The following MTR variants were observed in gnomAD, a reference collection of about 807,000 sequenced individuals.
MTR encodes methionine synthase.
In MTR, 84 loss-of-function variants were observed where a neutral mutation model predicts 154.8. The observed-to-expected ratio is 0.54, with a 90% CI of 0.45 to 0.65. The LOEUF is 0.65. Ranked by LOEUF, MTR falls within the 30% of genes least tolerant of loss-of-function variation. The probability of loss-of-function intolerance (pLI) is 0.00; values close to 1 mark genes in which losing one functional copy is unlikely to be tolerated. For synonymous variants in MTR, 554 were observed against 553.9 expected (o/e 1.00, Z 0.00); for missense variants, 1,275 against 1,570.2 (o/e 0.81, Z 3.18).
intron 22 of MTR, among the ~76,000 whole-genome samples, chr1:236,872,777 G>T (rs892481914): frequency 6.6e-6 from 1 of 152,186 alleles, no homozygotes; most frequent in African/African-American, 2.4e-5. Flanking sequence ...AAGCCGAGGT[G>T]GGAGGATCAC....
intron 14 of MTR, 129 bp downstream of exon 14, chr1:236,835,816 G>A: frequency 7.8e-7 from 1 of 1,274,766 alleles, no homozygotes; most frequent in South Asian, 1.2e-5. Flanking sequence ...TCGAAAACAG[G>A]GTAGTTTCTG....
At chr1:236,865,763 A>G (rs1394389554) in intron 22 of MTR, among the ~76,000 whole-genome samples, 1 of 152,116 alleles carries the variant, frequency 6.6e-6, no homozygotes, top group Non-Finnish European at 1.5e-5. Flanking sequence ...CAATTTATAC[A>G]GTTCTTTAGT....
chr1:236,894,731 A>C, intron 30 of MTR, 174 bp downstream of exon 30: 1 of 657,420 alleles, frequency 1.5e-6, no homozygotes, highest in South Asian at 2.0e-5. Flanking sequence ...ATGTATCCCC[A>C]GATTGCTTGT....
At chr1:236,888,674 G>A (rs1015134460) in intron 27 of MTR, among the ~76,000 whole-genome samples, 3 of 152,198 alleles carry the variant, frequency 2.0e-5, no homozygotes, top group South Asian at 2.1e-4. Context: ...TCCCACATGT[G>A]TCCCTTCCTC....
At chr1:236,856,407 C>A (rs1664204675) in intron 18 of MTR, among the ~76,000 whole-genome samples, 1 of 152,030 alleles carries the variant, frequency 6.6e-6, no homozygotes, top group Non-Finnish European at 1.5e-5. Context: ...CCAGTTACCA[C>A]TTTGGCCCTA....
At chr1:236,837,484 A>G (rs986987937) in intron 14 of MTR, among the ~76,000 whole-genome samples, 12 of 152,158 alleles carry the variant, frequency 7.9e-5, no homozygotes, top group Non-Finnish European at 1.3e-4. Context: ...TTATGTCATT[A>G]CTTGTTTAAT....
chr1:236,812,718 G>A lies in MTR; in HGVS notation c.503-20G>A, dbSNP rs1428714442. On this transcript the variant is annotated intron_variant, in intron 5 of 32. Coordinates refer to ENST00000366577, the MANE Select transcript of MTR (RefSeq NM_000254.3). Reference sequence around the variant, plus strand: ...AGGATATTGATGACTGATGTGCTGGGTGTGATTTATTTTTTGCAGCATTTG... The same window carrying A: ...AGGATATTGATGACTGATGTGCTGGATGTGATTTATTTTTTGCAGCATTTG... 1 of 1,601,406 alleles carries A rather than the reference G, an allele frequency of 6.2e-7. No homozygotes were observed. Among genetic ancestry groups the A allele is most frequent in the Non-Finnish European group, 8.6e-7 (1 of 1,168,536 alleles).
chr1:236,893,087 T>C (rs930859662), intron 29 of MTR, among the ~76,000 whole-genome samples: 2 of 152,150 alleles, frequency 1.3e-5, no homozygotes, highest in African/African-American at 2.4e-5. Flanking sequence ...CTCTGATTGC[T>C]GTCTCTTCGA....
At chr1:236,804,584 T>G (rs1558271851) in intron 2 of MTR, among the ~76,000 whole-genome samples, 1 of 152,254 alleles carries the variant, frequency 6.6e-6, no homozygotes, top group Non-Finnish European at 1.5e-5. Context: ...TCCATGTATA[T>G]ATCATCATTT....
chr1:236,824,208 AT>A lies in MTR; in HGVS notation c.855del (p.Asn287MetfsTer17). 2 of 1,613,398 alleles carry A rather than the reference AT, an allele frequency of 1.2e-6. No homozygotes were observed. Among genetic ancestry groups the A allele is most frequent in the Non-Finnish European group, 1.7e-6 (2 of 1,179,310 alleles). On this transcript the variant is annotated frameshift_variant, in exon 9 of 33. Coordinates refer to ENST00000366577, the MANE Select transcript of MTR (RefSeq NM_000254.3). LOFTEE classifies it high-confidence loss of function. ...TGTACAACAGCCTATGTCCTCTGTTATCCCAATGCAGGTGTGTGTTTCAAGG... is the reference window on the plus strand; with the variant it reads ...TGTACAACAGCCTATGTCCTCTGTTACCCAATGCAGGTGTGTGTTTCAAGG... ...GKCTTAYVLC[Y>X]PNAGLPNTFG...
intron 28 of MTR, among the ~76,000 whole-genome samples, chr1:236,889,926 G>A (rs2147934959): frequency 6.6e-6 from 1 of 152,232 alleles, no homozygotes; most frequent in Non-Finnish European, 1.5e-5. Flanking sequence ...GGGATTTAGG[G>A]TGATAAACTA....
intron 18 of MTR, among the ~76,000 whole-genome samples, chr1:236,854,481 C>T (rs1054020497): frequency 8.5e-5 from 13 of 152,166 alleles, no homozygotes; most frequent in Non-Finnish European, 1.6e-4. Context: ...CTTCTTTGAA[C>T]ATTGAGACAT....
intron 31 of MTR, among the ~76,000 whole-genome samples, chr1:236,896,635 C>T (rs1242013932): frequency 2.0e-5 from 3 of 152,164 alleles, no homozygotes; most frequent in Admixed American, 6.5e-5. Context: ...CGCACAGAGC[C>T]GGTGGAGGCT....
chr1:236,848,208 C>T (rs1663698980), intron 15 of MTR, among the ~76,000 whole-genome samples: 1 of 152,170 alleles, frequency 6.6e-6, no homozygotes, highest in Non-Finnish European at 1.5e-5. Flanking sequence ...GCTTGTCCCA[C>T]AAGCAGGGCT....
chr1:236,795,480 G>A lies in MTR; in HGVS notation c.-224G>A, dbSNP rs1234117384. On this transcript the variant is annotated 5_prime_UTR_variant, in exon 1 of 33. Transcript: ENST00000366577. ...CCGGGTACCCGGGAAGAAAGCACGT[G>A]CTCCAGCAGTTGCCGCGCCCAGCCC... is the stretch of plus-strand genomic sequence containing the variant. 3 of 1,513,264 alleles carry A rather than the reference G, an allele frequency of 2.0e-6. No homozygotes were observed. The highest frequency in any genetic ancestry group is 2.7e-6 in the Non-Finnish European group (3 of 1,131,984). 93.7% of individuals were successfully genotyped at this position (1,513,264 alleles called of 1,614,324 possible).
rs183455046 is a variant in MTR at position 236,849,600 on chromosome 1, G to C, written c.1516-744G>C. On this transcript the variant is annotated intron_variant, in intron 15 of 32. Coordinates refer to ENST00000366577, the MANE Select transcript of MTR (RefSeq NM_000254.3). ...CTTGACGGGTTTCAAAAACACCAAAGGAGCAATGTAGGAGGTGCGGAGTAG... is the reference window on the plus strand; with the variant it reads ...CTTGACGGGTTTCAAAAACACCAAACGAGCAATGTAGGAGGTGCGGAGTAG... Among the ~76,000 whole-genome samples, 621 of 152,252 alleles carry C rather than the reference G, an allele frequency of 4.1e-3. 4 individuals carry two copies. The highest frequency in any genetic ancestry group is 0.014 in the African/African-American group (602 of 41,538).
intron 8 of MTR, among the ~76,000 whole-genome samples, chr1:236,822,992 A>G (rs1015638809): frequency 6.6e-5 from 10 of 152,184 alleles, no homozygotes; most frequent in African/African-American, 1.9e-4. Context: ...TTATCAAGTC[A>G]AGGAAATTTC....
chr1:236,852,256 C>T (rs78105310), intron 16 of MTR, among the ~76,000 whole-genome samples: 14 of 150,450 alleles, frequency 9.3e-5, no homozygotes, highest in African/African-American at 3.2e-4. Context: ...TGTCTTTCTG[C>T]GTGTGTGTGT....
chr1:236,895,420 G>A lies in MTR; in HGVS notation c.3468G>A (p.Glu1156=), dbSNP rs1192790208. ...RRELWAYCGS[E]QLDVADLRRL... Reference sequence around the variant, plus strand: ...AACTGTGGGCCTACTGTGGCAGTGAGCAGCTGGACGTCGCAGACCTGCGCA... The same window carrying A: ...AACTGTGGGCCTACTGTGGCAGTGAACAGCTGGACGTCGCAGACCTGCGCA... The change falls in exon 31 of 33, where the codon GAG becomes GAA. Residue 1156 remains glutamate (E), a synonymous_variant. Transcript: ENST00000366577. The A allele has an allele frequency of 2.5e-6, 4 of 1,605,030 alleles. No homozygotes were observed. Among genetic ancestry groups the A allele is most frequent in the Middle Eastern group, 1.7e-4 (1 of 6,052 alleles).
Sources: allele counts gnomAD v4.1 joint callset (sites outside exome capture counted in the v4.1 genomes callset), GRCh38; gene constraint gnomAD v4.1.1; transcripts MANE v1.5; gene names NCBI Gene and HGNC (gene_info 2026-07-23, HGNC 2026-07-21).